TNFSF12: variants seen among roughly 807,000 people sequenced by gnomAD.
TNFSF12 encodes TNF superfamily member 12, also known as tumor necrosis factor ligand superfamily member 12.
TNFSF12 carries 16 observed loss-of-function variants against 31.2 expected under a neutral mutation model. The ratio of observed to expected loss-of-function variants is 0.51; its 90% confidence interval spans 0.35 to 0.78. The LOEUF is 0.78. Among genes scored for constraint, TNFSF12 ranks in the 30% least tolerant of loss-of-function variants. TNFSF12 has a pLI of 0.01. For missense variants in TNFSF12, 324 were observed against 338.8 expected (o/e 0.96, Z 0.34); for synonymous variants, 150 against 151.4 (o/e 0.99, Z 0.07).
At chr17:7,554,957 C>T (rs1469369871) in intron 5 of TNFSF12, among the ~76,000 whole-genome samples, 2 of 151,854 alleles carry the variant, frequency 1.3e-5, no homozygotes, top group Non-Finnish European at 2.9e-5. Flanking sequence ...GGAGAGGAAA[C>T]AAGCATATAA....
intron 5 of TNFSF12, among the ~76,000 whole-genome samples, chr17:7,553,023 CTTT>C (rs71159509): frequency 9.1e-5 from 6 of 66,048 alleles, no homozygotes; most frequent in African/African-American, 2.9e-4. Context: ...CAGGGACAAC[CTTT>C]TTTTTTTTTT....
chr17:7,557,010 T>C lies in TNFSF12; in HGVS notation c.499-89T>C. 8.3e-7 allele frequency: 1 copy of C among 1,206,126 alleles called. No individual in the cohort carries two copies. The highest frequency in any genetic ancestry group is 1.2e-6 in the Non-Finnish European group (1 of 857,270). The allele number at this position is 1,206,126 out of a possible 1,614,324, so 74.7% of individuals were successfully genotyped here. A position where few individuals can be genotyped will look rare whatever the true frequency, so the allele number is the denominator to read the frequency against. ...CTGGGAGGGTGAGTTGGGGTTTGGGTGGGATGGGATGCCTGCGTCGCTGAG... is the reference window on the plus strand; with the variant it reads ...CTGGGAGGGTGAGTTGGGGTTTGGGCGGGATGGGATGCCTGCGTCGCTGAG... On this transcript the variant is annotated intron_variant, in intron 6 of 6. Coordinates refer to ENST00000293825, the MANE Select transcript of TNFSF12 (RefSeq NM_003809.3). This position sits in a 1 kb window ranked among gnomAD's most constrained non-coding sequence, Gnocchi z 5.2.
In TNFSF12 at chr17:7,550,270, C is replaced by A; in HGVS notation, c.283+75C>A. 1 of 1,606,932 alleles carries A rather than the reference C, an allele frequency of 6.2e-7. No individual in the cohort carries two copies. The highest frequency in any genetic ancestry group is 1.1e-5 in the South Asian group (1 of 90,934). On this transcript the variant is annotated intron_variant, in intron 3 of 6. Coordinates refer to ENST00000293825, the MANE Select transcript of TNFSF12 (RefSeq NM_003809.3). This position sits in a 1 kb window ranked among gnomAD's most constrained non-coding sequence, Gnocchi z 4.4. ...TTATCCACAGGGAGAAACTGAGGCA[C>A]GGAGGGTGAAAGGAGTTCAGAGTCA... is the stretch of plus-strand genomic sequence containing the variant.
chr17:7,549,207 C>T lies in TNFSF12; in HGVS notation c.54C>T (p.Thr18=), dbSNP rs1411793424. The T allele has an allele frequency of 7.5e-7, 1 of 1,327,834 alleles. No homozygotes were observed. Among genetic ancestry groups the T allele is most frequent in the Non-Finnish European group, 9.6e-7 (1 of 1,043,208 alleles). 82.3% of individuals were successfully genotyped at this position (1,327,834 alleles called of 1,614,324 possible). Residue 18 remains threonine (T), a synonymous_variant, in exon 1 of 7, where the codon ACC becomes ACT. Transcript: ENST00000293825. The surrounding 1 kb of genome is among the most constrained non-coding windows in gnomAD (Gnocchi z 4.1). ...RRRGRRGEPG[T]ALLVPLALGL... ...GGGGGCGCCGGGGGGAGCCGGGCAC[C>T]GCCCTGCTGGTCCCGCTCGCGCTGG...
At chr17:7,554,307 CTTTTTTTTTTTT>C (rs67090485) in intron 5 of TNFSF12, among the ~76,000 whole-genome samples, 4 of 73,012 alleles carry the variant, frequency 5.5e-5, no homozygotes, top group Admixed American at 3.4e-4. Context: ...TATCCAGACT[CTTTTTTTTTTTT>C]TTTTTTTTTT....
intron 5 of TNFSF12, 39 bp downstream of exon 5, chr17:7,551,017 G>A (rs991012697): frequency 9.9e-6 from 16 of 1,612,260 alleles, no homozygotes; most frequent in African/African-American, 9.4e-5. Context: ...GGCCTCCTGG[G>A]AAAAGGGCCC....
At chr17:7,556,727 G>T in intron 5 of TNFSF12, 51 bp from the exon 6 acceptor site, 2 of 1,434,850 alleles carry the variant, frequency 1.4e-6, no homozygotes, top group East Asian at 2.5e-5. Context: ...TGGGGAGTGT[G>T]GGGGAGTCCT....
intron 5 of TNFSF12, among the ~76,000 whole-genome samples, chr17:7,554,526 A>G (rs565942843): frequency 1.3e-5 from 2 of 149,752 alleles, no homozygotes; most frequent in South Asian, 4.2e-4. Flanking sequence ...CGTGTTAGCC[A>G]GGATGGTCTC....
Position 7,550,051 on chromosome 17 carries a change from G to A in TNFSF12, c.208-69G>A. ...TCTATTGCTGGCTGGTGGCTCTCCT[G>A]ACAGGCCCCGTATGTCTCACTTTAT... is the stretch of plus-strand genomic sequence containing the variant. On this transcript the variant is annotated intron_variant, in intron 2 of 6. Transcript: ENST00000293825. This position sits in a 1 kb window ranked among gnomAD's most constrained non-coding sequence, Gnocchi z 4.4. 2 of 1,611,198 alleles carry A rather than the reference G, an allele frequency of 1.2e-6. No individual in the cohort carries two copies. Among genetic ancestry groups the A allele is most frequent in the South Asian group, 2.2e-5 (2 of 90,976 alleles).
intron 5 of TNFSF12, among the ~76,000 whole-genome samples, chr17:7,554,371 TG>T (rs2071034891): frequency 7.1e-6 from 1 of 140,122 alleles, no homozygotes; most frequent in Non-Finnish European, 1.5e-5. Flanking sequence ...TGGAGTGTAG[TG>T]GCGCGATCTC....
At position 7,549,905 on chromosome 17, in the gene TNFSF12, T is replaced by C; in HGVS notation, c.208-215T>C. 3 of 657,764 alleles carry C rather than the reference T, an allele frequency of 4.6e-6. No homozygotes were observed. The highest frequency in any genetic ancestry group is 7.8e-6 in the Non-Finnish European group (3 of 386,510). The allele number at this position is 657,764 out of a possible 1,614,324, so 40.7% of individuals were successfully genotyped here. On this transcript the variant is annotated intron_variant, in intron 2 of 6. Coordinates refer to ENST00000293825, the MANE Select transcript of TNFSF12 (RefSeq NM_003809.3). The surrounding 1 kb of genome is among the most constrained non-coding windows in gnomAD (Gnocchi z 4.1). ...GGTCTGCGTTGGTTGTGTGTGTGGG[T>C]GGGAAAGTGTAGCTGGTCTAGAGGA...
rs761238732 is a variant in TNFSF12 at position 7,557,176 on chromosome 17, G to A, written c.576G>A (p.Leu192=). ...ATGGTGTGCTGGCCCTGCGCTGCCT[G>A]GAGGAATTCTCAGCCACTGCGGCGA... ...LVDGVLALRC[L]EEFSATAASS... The change falls in exon 7 of 7, where the codon CTG becomes CTA. Residue 192 remains leucine, a synonymous_variant. Transcript: ENST00000293825. The surrounding 1 kb of genome is among the most constrained non-coding windows in gnomAD (Gnocchi z 5.2). 2 of 1,612,504 alleles carry A rather than the reference G, an allele frequency of 1.2e-6. No individual in the cohort carries two copies. Among genetic ancestry groups the A allele is most frequent in the Non-Finnish European group, 1.7e-6 (2 of 1,178,892 alleles).
rs1267284671 is a variant in TNFSF12, at chr17:7,549,457, TC to T, written c.160-14del. 18 of 1,504,620 alleles carry T rather than the reference TC, an allele frequency of 1.2e-5. No homozygotes were observed. The Admixed American group carries it at 1.5e-4, about 12-fold the overall frequency. 93.2% of individuals were successfully genotyped at this position (1,504,620 alleles called of 1,614,324 possible). ...CAGGTGGAGCGGCACAGGGTGACGC[TC>T]CCTCCTTCCCAGCAGGAGCCTGCCC... is the stretch of plus-strand genomic sequence containing the variant. On this transcript the variant is annotated splice_polypyrimidine_tract_variant and intron_variant, in intron 1 of 6. Transcript: ENST00000293825. This position sits in a 1 kb window ranked among gnomAD's most constrained non-coding sequence, Gnocchi z 4.1.
At position 7,549,273 on chromosome 17, in the gene TNFSF12, C is replaced by G; in HGVS notation, c.120C>G (p.Ala40=). 1 of 1,399,826 alleles carries G rather than the reference C, an allele frequency of 7.1e-7. No individual in the cohort carries two copies. The highest frequency in any genetic ancestry group is 1.6e-5 in the South Asian group (1 of 63,234). 86.7% of individuals were successfully genotyped at this position (1,399,826 alleles called of 1,614,324 possible). A position where few individuals can be genotyped will look rare whatever the true frequency, so the allele number is the denominator to read the frequency against. The stretch of plus-strand genomic sequence containing the variant: ...TGGCCTGCCTCGGCCTCCTGCTGGC[C>G]GTGGTCAGTTTGGGGAGCCGGGCAT... ...LALACLGLLL[A]VVSLGSRASL... Residue 40 remains alanine, a synonymous_variant, in exon 1 of 7, where the codon GCC becomes GCG. Coordinates refer to ENST00000293825, the MANE Select transcript of TNFSF12 (RefSeq NM_003809.3). This position sits in a 1 kb window ranked among gnomAD's most constrained non-coding sequence, Gnocchi z 4.1.
rs80067372 is a variant in TNFSF12, at chr17:7,549,435, G to A, written c.160-39G>A. 0.25 allele frequency: 360,102 copies of A among 1,458,730 alleles called. 49,515 individuals carry two copies. Among genetic ancestry groups the A allele is most frequent in the Non-Finnish European group, 0.29 (311,214 of 1,091,096 alleles). 90.4% of individuals were successfully genotyped at this position (1,458,730 alleles called of 1,614,324 possible). A position where few individuals can be genotyped will look rare whatever the true frequency, so the allele number is the denominator to read the frequency against. On this transcript the variant is annotated intron_variant, in intron 1 of 6. Coordinates refer to ENST00000293825, the MANE Select transcript of TNFSF12 (RefSeq NM_003809.3). The surrounding 1 kb of genome is among the most constrained non-coding windows in gnomAD (Gnocchi z 4.1). ...GGATGGGTGGAGGGTGAGATGTCAGGTGGAGCGGCACAGGGTGACGCTCCC... is the reference window on the plus strand; with the variant it reads ...GGATGGGTGGAGGGTGAGATGTCAGATGGAGCGGCACAGGGTGACGCTCCC...
chr17:7,555,443 G>A (rs535185079), intron 5 of TNFSF12, among the ~76,000 whole-genome samples: 4 of 152,304 alleles, frequency 2.6e-5, no homozygotes, highest in African/African-American at 4.8e-5. Flanking sequence ...CTAGAGGAGC[G>A]AGATGGGGAT....
At position 7,557,639 on chromosome 17, in the gene TNFSF12, G is replaced by A; in HGVS notation, c.*289G>A. 1 of 417,522 alleles carries A rather than the reference G, an allele frequency of 2.4e-6. No individual in the cohort carries two copies. The allele number at this position is 417,522 out of a possible 1,614,324, so 25.9% of individuals were successfully genotyped here. A position where few individuals can be genotyped will look rare whatever the true frequency, so the allele number is the denominator to read the frequency against. On this transcript the variant is annotated 3_prime_UTR_variant, in exon 7 of 7. Coordinates refer to ENST00000293825, the MANE Select transcript of TNFSF12 (RefSeq NM_003809.3). This position sits in a 1 kb window ranked among gnomAD's most constrained non-coding sequence, Gnocchi z 5.2. ...CTCCCCCCTGGCCACAGACCCCCAG[G>A]GCATTGTGTTCACTGTACTCTGTGG...
At chr17:7,553,697 G>C in intron 5 of TNFSF12, 1 of 1,301,626 alleles carries the variant, frequency 7.7e-7, no homozygotes, top group Non-Finnish European at 1.0e-6. Flanking sequence ...TGAAAGGCGA[G>C]GTGGCTGGTG....
chr17:7,550,862 G>A lies in TNFSF12; in HGVS notation c.337+10G>A, dbSNP rs765231246. The A allele has an allele frequency of 6.2e-7, 1 of 1,613,338 alleles. No individual in the cohort carries two copies. The highest frequency in any genetic ancestry group is 8.5e-7 in the Non-Finnish European group (1 of 1,179,342). Reference sequence around the variant, plus strand: ...GCAGCCCATTATGAAGGTGGGTGATGGGTGAGCCATACCCAGGAGGAGAGG... The same window carrying A: ...GCAGCCCATTATGAAGGTGGGTGATAGGTGAGCCATACCCAGGAGGAGAGG... On this transcript the variant is annotated intron_variant, in intron 4 of 6. Transcript: ENST00000293825. This position sits in a 1 kb window ranked among gnomAD's most constrained non-coding sequence, Gnocchi z 4.4.
Sources: gnomAD v4.1 joint callset for allele counts (sites outside exome capture counted in the v4.1 genomes callset) on GRCh38, gnomAD v4.1.1 for gene constraint, Gnocchi (gnomAD v3.1) non-coding constraint, MANE v1.5 for transcripts, NCBI Gene and HGNC (gene_info 2026-07-23, HGNC 2026-07-21) for gene names.